SH3GL2: variants seen among roughly 807,000 people sequenced by gnomAD.
SH3GL2 encodes endophilin-A1.
SH3GL2 carries 24 observed loss-of-function variants against 46.0 expected under a neutral mutation model. That is an observed-to-expected ratio of 0.52 (90% CI 0.38 to 0.73). SH3GL2 has a LOEUF of 0.73. Among genes scored for constraint, SH3GL2 ranks in the 30% least tolerant of loss-of-function variants. The pLI is 0.00. For synonymous variants in SH3GL2, 196 were observed against 147.1 expected, an observed-to-expected ratio of 1.33 and a Z score of -2.40; for missense variants, 413 against 424.2, an observed-to-expected ratio of 0.97 and a Z score of 0.23.
chr9:17,756,735 T>G (rs1340334651), intron 2 of SH3GL2, among the ~76,000 whole-genome samples: 3 of 152,112 alleles, frequency 2.0e-5, no homozygotes, highest in African/African-American at 7.2e-5. Context: ...TTGATGGACA[T>G]TTGGGTTGGT....
chr9:17,615,145 G>A (rs1404453226), intron 1 of SH3GL2, among the ~76,000 whole-genome samples: 2 of 152,164 alleles, frequency 1.3e-5, no homozygotes, highest in Non-Finnish European at 2.9e-5. Flanking sequence ...TGTGTTTATT[G>A]CACAATTTGG....
intron 1 of SH3GL2, among the ~76,000 whole-genome samples, chr9:17,692,122 A>G (rs200082165): frequency 6.6e-6 from 1 of 152,242 alleles, no homozygotes; most frequent in East Asian, 1.9e-4. Context: ...TTAATAGAAG[A>G]TAGACTAAGG....
chr9:17,790,489 C>CA, intron 6 of SH3GL2: 1 of 815,394 alleles, frequency 1.2e-6, no homozygotes, highest in African/African-American at 1.8e-5. Flanking sequence ...TTATGTAAAA[C>CA]AACTTGTGTC....
intron 1 of SH3GL2, among the ~76,000 whole-genome samples, chr9:17,661,520 A>G (rs1240281614): frequency 2.6e-5 from 4 of 152,230 alleles, no homozygotes; most frequent in Non-Finnish European, 5.9e-5. Flanking sequence ...TTCAATCTCA[A>G]GTGATATATA....
At chr9:17,584,224 G>T (rs562801377) in intron 1 of SH3GL2, among the ~76,000 whole-genome samples, 2 of 152,300 alleles carry the variant, frequency 1.3e-5, no homozygotes, top group African/African-American at 4.8e-5. Context: ...AATAGGGTGG[G>T]GCGTGGTGGC....
At chr9:17,753,787 T>G (rs1006268534) in intron 2 of SH3GL2, among the ~76,000 whole-genome samples, 7 of 152,336 alleles carry the variant, frequency 4.6e-5, no homozygotes, top group African/African-American at 1.7e-4. Flanking sequence ...CTAGGTTGTC[T>G]TTCAGGGTTT....
At chr9:17,658,426 C>A (rs1258751664) in intron 1 of SH3GL2, among the ~76,000 whole-genome samples, 2 of 152,146 alleles carry the variant, frequency 1.3e-5, no homozygotes, top group African/African-American at 4.8e-5. Flanking sequence ...TTTATTTCAT[C>A]TGAATTCTGC....
At chr9:17,712,083 T>TAAA (rs1821641057) in intron 1 of SH3GL2, among the ~76,000 whole-genome samples, 1 of 151,860 alleles carries the variant, frequency 6.6e-6, no homozygotes, top group Non-Finnish European at 1.5e-5. Context: ...AGCGTCTTTT[T>TAAA]ATGTGCTTTT....
chr9:17,645,151 C>CCTTTTTTTTTTTTTTTTTTTT (rs1819778021), intron 1 of SH3GL2, among the ~76,000 whole-genome samples: 1 of 68,780 alleles, frequency 1.5e-5, no homozygotes. Flanking sequence ...GCAAACGCTG[C>CCTTTTTTTTTTTTTTTTTTTT]TTTTTTTTTT....
At chr9:17,700,360 G>A (rs1438026778) in intron 1 of SH3GL2, among the ~76,000 whole-genome samples, 1 of 152,108 alleles carries the variant, frequency 6.6e-6, no homozygotes, top group Admixed American at 6.6e-5. Flanking sequence ...TTACCCAGTA[G>A]CAAAACTGTA....
intron 1 of SH3GL2, among the ~76,000 whole-genome samples, chr9:17,700,564 T>C (rs1384914089): frequency 6.6e-6 from 1 of 152,226 alleles, no homozygotes; most frequent in Non-Finnish European, 1.5e-5. Context: ...AGTTATTTTC[T>C]TATCTTTTGT....
intron 1 of SH3GL2, among the ~76,000 whole-genome samples, chr9:17,745,017 A>C (rs1319956280): frequency 6.6e-6 from 1 of 152,166 alleles, no homozygotes; most frequent in Non-Finnish European, 1.5e-5. Flanking sequence ...GGTGGATGTA[A>C]AAACTCCTAG....
chr9:17,716,056 C>G (rs1171418542), intron 1 of SH3GL2, among the ~76,000 whole-genome samples: 1 of 151,964 alleles, frequency 6.6e-6, no homozygotes, highest in East Asian at 1.9e-4. Flanking sequence ...TGAGGACTGT[C>G]TATGTTTGTA....
At chr9:17,591,187 A>C (rs1437427188) in intron 1 of SH3GL2, 2 of 152,242 alleles carry the variant, frequency 1.3e-5, no homozygotes, top group Non-Finnish European at 2.9e-5. Context: ...TTAAACAGAA[A>C]GCTTATCATA....
At chr9:17,721,670 A>G (rs965919936) in intron 1 of SH3GL2, among the ~76,000 whole-genome samples, 1 of 152,066 alleles carries the variant, frequency 6.6e-6, no homozygotes, top group Middle Eastern at 3.2e-3. Flanking sequence ...CTTACCATAC[A>G]TGTTCCTCAC....
At chr9:17,613,652 T>C (rs1185173533) in intron 1 of SH3GL2, among the ~76,000 whole-genome samples, 1 of 152,202 alleles carries the variant, frequency 6.6e-6, no homozygotes. Context: ...CCTTACTGTT[T>C]GGAGAAAATC....
chr9:17,650,404 C>G (rs1366786978), intron 1 of SH3GL2, among the ~76,000 whole-genome samples: 2 of 152,140 alleles, frequency 1.3e-5, no homozygotes, highest in African/African-American at 4.8e-5. Flanking sequence ...CGGAGTCTCG[C>G]TCTGTCACCC....
intron 1 of SH3GL2, among the ~76,000 whole-genome samples, chr9:17,742,360 T>A (rs1563835385): frequency 6.6e-6 from 1 of 152,200 alleles, no homozygotes; most frequent in Non-Finnish European, 1.5e-5. Context: ...AGTGGCCATT[T>A]ATTTAAGCTG....
chr9:17,598,264 T>C (rs1818610351), intron 1 of SH3GL2, among the ~76,000 whole-genome samples: 3 of 152,240 alleles, frequency 2.0e-5, no homozygotes, highest in Admixed American at 1.3e-4. Flanking sequence ...ACAGACACTT[T>C]AGATTCTTAT....
Sources: gnomAD v4.1 joint callset for allele counts (sites outside exome capture counted in the v4.1 genomes callset) on GRCh38, gnomAD v4.1.1 for gene constraint, MANE v1.5 for transcripts, NCBI Gene and HGNC (gene_info 2026-07-23, HGNC 2026-07-21) for gene names.